TRIM33: variants seen among roughly 807,000 people sequenced by gnomAD.
TRIM33 encodes tripartite motif containing 33.
Under a neutral mutation model 125.4 loss-of-function variants are expected in TRIM33, and 20 were observed. The observed-to-expected ratio is 0.16, with a 90% CI of 0.11 to 0.23. TRIM33 has a LOEUF of 0.23. TRIM33 is among the 10% of genes least tolerant of loss of function. TRIM33 has a pLI of 1.00. For synonymous variants in TRIM33, 564 were observed against 513.9 expected, an observed-to-expected ratio of 1.10 and a Z score of -1.32; for missense variants, 920 against 1,411.4, an observed-to-expected ratio of 0.65 and a Z score of 5.58.
At chr1:114,433,352 ATTAAT>A (rs1246315295) in intron 5 of TRIM33, among the ~76,000 whole-genome samples, 1 of 152,176 alleles carries the variant, frequency 6.6e-6, no homozygotes, top group Non-Finnish European at 1.5e-5. Context: ...CTCTCTCCAT[ATTAAT>A]TTATTTGTTT....
At chr1:114,444,704 C>A (rs995936215) in intron 4 of TRIM33, among the ~76,000 whole-genome samples, 1 of 152,176 alleles carries the variant, frequency 6.6e-6, no homozygotes, top group Admixed American at 6.5e-5. Context: ...CCTACAAGAA[C>A]AATCAAGTCT....
chr1:114,432,653 G>A (rs1244088039), intron 5 of TRIM33, among the ~76,000 whole-genome samples: 2 of 152,130 alleles, frequency 1.3e-5, no homozygotes, highest in Non-Finnish European at 2.9e-5. Context: ...GAGCATGGTG[G>A]TGGGCGCCTG....
intron 10 of TRIM33, among the ~76,000 whole-genome samples, chr1:114,422,426 T>C (rs1327724471): frequency 6.6e-6 from 1 of 152,008 alleles, no homozygotes; most frequent in Admixed American, 6.6e-5. Flanking sequence ...AAGGGGTACA[T>C]GATTATGTGA....
intron 4 of TRIM33, among the ~76,000 whole-genome samples, chr1:114,436,169 G>A (rs1473699734): frequency 6.6e-6 from 1 of 151,560 alleles, no homozygotes; most frequent in Non-Finnish European, 1.5e-5. Flanking sequence ...TTGGAAGGCC[G>A]AGGCAGGTGG....
chr1:114,421,913 T>C lies in TRIM33; in HGVS notation c.1861-277A>G, dbSNP rs78845917. On this transcript the variant is annotated intron_variant, in intron 10 of 19. Coordinates refer to ENST00000358465, the MANE Select transcript of TRIM33 (RefSeq NM_015906.4). Reference sequence around the variant, plus strand: ...GAAGAAGGAAGTATGTAATAGAGGATCTGTAAACCTCCAAATTTTCAAACA... The same window carrying C: ...GAAGAAGGAAGTATGTAATAGAGGACCTGTAAACCTCCAAATTTTCAAACA... Among the ~76,000 whole-genome samples the C allele has an allele frequency of 3.8e-4, 58 of 152,298 alleles. No homozygotes were observed. The East Asian group carries it at 0.01, about 27-fold the overall frequency.
intron 1 of TRIM33, among the ~76,000 whole-genome samples, chr1:114,474,503 G>A (rs1368191799): frequency 1.4e-5 from 2 of 147,060 alleles, no homozygotes; most frequent in African/African-American, 5.0e-5. Flanking sequence ...GAGCCCAGGA[G>A]TTCAAGGCTG....
In TRIM33 at chr1:114,397,590, T is replaced by TTTTTTTTTTTTTTTTG; in HGVS notation, c.*57_*58insCAAAAAAAAAAAAAAA. On this transcript the variant is annotated 3_prime_UTR_variant, in exon 20 of 20. Transcript: ENST00000358465. The stretch of plus-strand genomic sequence containing the variant: ...TTAAAAGTTTTCTGGGTTTTTTGTG[T>TTTTTTTTTTTTTTTTG]TTTTTTTTTTTTTTTCGTTTTTTTT... 1.7e-6 allele frequency: 1 copy of TTTTTTTTTTTTTTTTG among 582,176 alleles called. No homozygotes were observed. The highest frequency in any genetic ancestry group is 2.4e-6 in the Non-Finnish European group (1 of 420,774). The allele number at this position is 582,176 out of a possible 1,614,324, so 36.1% of individuals were successfully genotyped here.
chr1:114,424,524 G>A (rs1647424409), intron 10 of TRIM33, 67 bp downstream of exon 10: 2 of 1,404,912 alleles, frequency 1.4e-6, no homozygotes, highest in Non-Finnish European at 1.9e-6. Context: ...CCCAAAAAGT[G>A]ATTAAGAAAA....
At chr1:114,443,747 G>A (rs1648805898) in intron 4 of TRIM33, among the ~76,000 whole-genome samples, 1 of 151,796 alleles carries the variant, frequency 6.6e-6, no homozygotes, top group African/African-American at 2.4e-5. Context: ...AAAATATTAA[G>A]GTGGAGCCAG....
intron 1 of TRIM33, among the ~76,000 whole-genome samples, chr1:114,479,922 C>A (rs573372841): frequency 6.7e-6 from 1 of 149,752 alleles, no homozygotes; most frequent in Non-Finnish European, 1.5e-5. Flanking sequence ...TCTGCCCGGC[C>A]GCCCCTGCTG....
chr1:114,454,204 C>T (rs540367014), intron 4 of TRIM33, among the ~76,000 whole-genome samples: 50 of 152,034 alleles, frequency 3.3e-4, no homozygotes, highest in African/African-American at 1.2e-3. Flanking sequence ...AGGTGGTTTG[C>T]GAAGAGGGAG....
In TRIM33 at chr1:114,511,111, C is replaced by T. The variant is rs1653344500; in HGVS notation, c.-35G>A. On this transcript the variant is annotated 5_prime_UTR_variant, in exon 1 of 20. Coordinates refer to ENST00000358465, the MANE Select transcript of TRIM33 (RefSeq NM_015906.4). ...TTTGAACCCGCCGGACCGCCCCGCG[C>T]CGCCCGCCGCCCGCGTCGCCGCCGC... is the stretch of plus-strand genomic sequence containing the variant. 3 of 1,133,718 alleles carry T rather than the reference C, an allele frequency of 2.6e-6. No homozygotes were observed. Among genetic ancestry groups the T allele is most frequent in the Non-Finnish European group, 3.2e-6 (3 of 928,634 alleles). 70.2% of individuals were successfully genotyped at this position (1,133,718 alleles called of 1,614,324 possible). A position where few individuals can be genotyped will look rare whatever the true frequency, so the allele number is the denominator to read the frequency against.
intron 5 of TRIM33, among the ~76,000 whole-genome samples, chr1:114,431,549 C>G (rs1444282828): frequency 6.6e-6 from 1 of 152,156 alleles, no homozygotes; most frequent in East Asian, 1.9e-4. Flanking sequence ...TATGAAGTGG[C>G]TGATACTTTG....
intron 9 of TRIM33, among the ~76,000 whole-genome samples, chr1:114,425,017 A>G (rs1647469614): frequency 6.6e-6 from 1 of 152,066 alleles, no homozygotes; most frequent in African/African-American, 2.4e-5. Flanking sequence ...GCGTATCAAC[A>G]TTAACGTATC....
At chr1:114,478,508 G>C (rs1651109135) in intron 1 of TRIM33, among the ~76,000 whole-genome samples, 1 of 152,148 alleles carries the variant, frequency 6.6e-6, no homozygotes, top group East Asian at 1.9e-4. Flanking sequence ...TTGGGACACT[G>C]CACATACCAA....
chr1:114,488,869 A>G (rs914045382), intron 1 of TRIM33, among the ~76,000 whole-genome samples: 1 of 152,184 alleles, frequency 6.6e-6, no homozygotes, highest in African/African-American at 2.4e-5. Flanking sequence ...CTCTACAAAA[A>G]ATAAAAAAAT....
chr1:114,498,615 G>C (rs1040345510), intron 1 of TRIM33, among the ~76,000 whole-genome samples: 4 of 151,834 alleles, frequency 2.6e-5, no homozygotes, highest in Admixed American at 6.6e-5. Flanking sequence ...CTGGGTGACA[G>C]AATGAGACTC....
Position 114,427,878 on chromosome 1 carries a change from C to T in TRIM33, c.1172G>A (p.Arg391Lys). 1.9e-6 allele frequency: 3 copies of T among 1,614,084 alleles called. No individual in the cohort carries two copies. Among genetic ancestry groups the T allele is most frequent in the Non-Finnish European group, 2.5e-6 (3 of 1,179,974 alleles). ...LQQLENVTKERQMKLLQQQND... is the reference protein window; with the variant it reads ...LQQLENVTKEKQMKLLQQQND... ...CTGCTGCTGTAGTAACTTCATCTGT[C>T]TTTCCTTTGTAACATTCTGAAACAG... Residue 391 changes from arginine to lysine, a missense_variant, in exon 7 of 20, where the codon AGA becomes AAA. Transcript: ENST00000358465.
intron 16 of TRIM33, among the ~76,000 whole-genome samples, chr1:114,401,987 T>A (rs1001514764): frequency 2.0e-5 from 3 of 152,232 alleles, no homozygotes; most frequent in African/African-American, 7.2e-5. Context: ...CTAAACTTCT[T>A]TTAATACAAG....
Sources: allele counts gnomAD v4.1 joint callset (sites outside exome capture counted in the v4.1 genomes callset), GRCh38; gene constraint gnomAD v4.1.1; transcripts MANE v1.5; gene names NCBI Gene and HGNC (gene_info 2026-07-23, HGNC 2026-07-21).